VSTM4: variants seen among roughly 807,000 people sequenced by gnomAD.
VSTM4 encodes V-set and transmembrane domain containing 4.
VSTM4 carries 20 observed loss-of-function variants against 36.4 expected under a neutral mutation model. The observed-to-expected ratio is 0.55, with a 90% CI of 0.39 to 0.80. The LOEUF (loss-of-function observed/expected upper bound fraction) is 0.80, where lower values mean the gene tolerates loss of function less well. VSTM4 is among the 30% of genes least tolerant of loss of function. The pLI is 0.00. For synonymous variants in VSTM4, 182 were observed against 173.9 expected (o/e 1.05, Z -0.37); for missense variants, 392 against 404.5 (o/e 0.97, Z 0.26).
At position 49,107,767 on chromosome 10, in the gene VSTM4, T is replaced by C; in HGVS notation, c.284A>G (p.Lys95Arg). Reference protein sequence around the residue: ...QYYGNFSRSAKRRRLRLLEEQ... With the variant: ...QYYGNFSRSARRRRLRLLEEQ... ...CTCCAGCAGGCGCAGCCTCCGCCGT[T>C]TGGCGCTGCGGCTGAAATTCCCATA... Residue 95 changes from lysine to arginine, a missense_variant, in exon 2 of 8, where the codon AAA becomes AGA. Transcript: ENST00000332853. 6.2e-7 allele frequency: 1 copy of C among 1,614,232 alleles called. No homozygotes were observed.
At chr10:49,095,748 C>G (rs1475820324) in intron 2 of VSTM4, among the ~76,000 whole-genome samples, 2 of 152,186 alleles carry the variant, frequency 1.3e-5, no homozygotes, top group Non-Finnish European at 2.9e-5. Context: ...CCCTTTCACA[C>G]TCTTTCTGTT....
At chr10:49,081,360 T>C (rs561616407) in intron 3 of VSTM4, among the ~76,000 whole-genome samples, 8 of 152,292 alleles carry the variant, frequency 5.3e-5, no homozygotes, top group Admixed American at 3.9e-4. Context: ...GTCTTATTCA[T>C]GGAGTGGAGA....
chr10:49,093,484 G>T (rs1379921401), intron 2 of VSTM4, among the ~76,000 whole-genome samples: 1 of 152,204 alleles, frequency 6.6e-6, no homozygotes, highest in African/African-American at 2.4e-5. Context: ...ATTTTTAAAA[G>T]AGCAGAACAT....
intron 2 of VSTM4, among the ~76,000 whole-genome samples, chr10:49,104,912 G>A (rs907709374): frequency 6.6e-6 from 1 of 151,672 alleles, no homozygotes; most frequent in Admixed American, 6.6e-5. Flanking sequence ...CAGAGAGAGA[G>A]AGAAGGAAAG....
At chr10:49,032,825 G>A (rs1286817454) in intron 7 of VSTM4, among the ~76,000 whole-genome samples, 1 of 151,484 alleles carries the variant, frequency 6.6e-6, no homozygotes, top group Admixed American at 6.6e-5. Flanking sequence ...TAACTTACTA[G>A]TTTAAAATAT....
At chr10:49,064,509 C>T in intron 5 of VSTM4, 194 bp downstream of exon 5, 1 of 629,458 alleles carries the variant, frequency 1.6e-6, no homozygotes, top group Non-Finnish European at 2.7e-6. Flanking sequence ...CTCTCTGGAT[C>T]CCTGGGGGTG....
chr10:49,044,374 AGAAG>A (rs1843567464), intron 7 of VSTM4, among the ~76,000 whole-genome samples: 1 of 151,380 alleles, frequency 6.6e-6, no homozygotes, highest in African/African-American at 2.4e-5. Context: ...TGACAAGAAA[AGAAG>A]GAAGGAAGGA....
chr10:49,061,238 G>A lies in VSTM4; in HGVS notation c.668+3465C>T, dbSNP rs114738405. ...TTCTAGTTTGATTTCACTGTGCTCA[G>A]AGAACACATTCTCTATTATTTCAAT... On this transcript the variant is annotated intron_variant, in intron 5 of 7. Transcript: ENST00000332853. Among the ~76,000 whole-genome samples, 824 of 152,296 alleles carry A rather than the reference G, an allele frequency of 5.4e-3. 14 individuals carry two copies. The highest frequency in any genetic ancestry group is 0.019 in the African/African-American group (792 of 41,572).
chr10:49,092,623 T>G (rs938082158), intron 2 of VSTM4, among the ~76,000 whole-genome samples: 2 of 152,042 alleles, frequency 1.3e-5, no homozygotes, highest in Non-Finnish European at 2.9e-5. Flanking sequence ...GAGGAGGGCG[T>G]GGTCCCTGGC....
chr10:49,048,907 G>A (rs1208298918), intron 5 of VSTM4, among the ~76,000 whole-genome samples: 3 of 152,238 alleles, frequency 2.0e-5, no homozygotes, highest in Non-Finnish European at 4.4e-5. Flanking sequence ...TGCATGGGTT[G>A]ATGGTTGACA....
At chr10:49,060,756 A>C (rs1843863712) in intron 5 of VSTM4, among the ~76,000 whole-genome samples, 1 of 152,230 alleles carries the variant, frequency 6.6e-6, no homozygotes, top group African/African-American at 2.4e-5. Context: ...CAAGGTCACA[A>C]AGATTTTCTC....
At chr10:49,093,043 T>TA (rs779979665) in intron 2 of VSTM4, among the ~76,000 whole-genome samples, 37 of 152,104 alleles carry the variant, frequency 2.4e-4, no homozygotes, top group Non-Finnish European at 5.0e-4. Context: ...CAATAAAACT[T>TA]GGAGAATAAG....
chr10:49,057,659 T>A (rs1054744640), intron 5 of VSTM4, among the ~76,000 whole-genome samples: 29 of 152,124 alleles, frequency 1.9e-4, no homozygotes, highest in African/African-American at 6.8e-4. Context: ...TGGGCCTGAG[T>A]GCTTGGATGC....
chr10:49,020,801 A>G (rs1218123972), intron 7 of VSTM4, among the ~76,000 whole-genome samples: 1 of 151,224 alleles, frequency 6.6e-6, no homozygotes, highest in East Asian at 1.9e-4. Flanking sequence ...GAGAGGGAGG[A>G]AGAGAGGATA....
At position 49,017,371 on chromosome 10, in the gene VSTM4, A is replaced by C. The variant is rs1191723285; in HGVS notation, c.*2279T>G. 6.6e-6 allele frequency: 1 copy of C among 152,238 alleles called. No individual in the cohort carries two copies. The highest frequency in any genetic ancestry group is 1.5e-5 in the Non-Finnish European group (1 of 68,064). 9.4% of individuals were successfully genotyped at this position (152,238 alleles called of 1,614,324 possible). ...AGCTTCCAAGATTCCCCTGGGCAGC[A>C]TTTTCAGTAGGAGGAGATAATCTGC... On this transcript the variant is annotated 3_prime_UTR_variant, in exon 8 of 8. Transcript: ENST00000332853.
At chr10:49,087,801 G>A (rs1844394609) in intron 2 of VSTM4, among the ~76,000 whole-genome samples, 1 of 151,570 alleles carries the variant, frequency 6.6e-6, no homozygotes, top group Non-Finnish European at 1.5e-5. Context: ...CAGCAATTGG[G>A]CTCACTTTGC....
At chr10:49,044,319 C>T (rs1182280754) in intron 7 of VSTM4, among the ~76,000 whole-genome samples, 1 of 149,642 alleles carries the variant, frequency 6.7e-6, no homozygotes, top group East Asian at 2.0e-4. Flanking sequence ...CAGAACAAGA[C>T]TCTGCCTCAG....
chr10:49,030,841 TCAGA>T (rs1843335128), intron 7 of VSTM4, among the ~76,000 whole-genome samples: 1 of 152,210 alleles, frequency 6.6e-6, no homozygotes, highest in South Asian at 2.1e-4. Flanking sequence ...CTACAAGTTA[TCAGA>T]CAGACAGATG....
intron 7 of VSTM4, among the ~76,000 whole-genome samples, chr10:49,025,423 C>T (rs1206159480): frequency 6.6e-6 from 1 of 152,058 alleles, no homozygotes; most frequent in Non-Finnish European, 1.5e-5. Context: ...ATACATTTAC[C>T]CCTGGTTCAG....
Sources: gnomAD v4.1 joint callset for allele counts (sites outside exome capture counted in the v4.1 genomes callset) on GRCh38, gnomAD v4.1.1 for gene constraint, MANE v1.5 for transcripts, NCBI Gene and HGNC (gene_info 2026-07-23, HGNC 2026-07-21) for gene names.